The following ASCC3 variants were observed in gnomAD, a reference collection of about 807,000 sequenced individuals.
The protein encoded by ASCC3 is ASC-1 complex subunit P200.
In ASCC3, 158 loss-of-function variants were observed where a neutral mutation model predicts 256.3. That is an observed-to-expected ratio of 0.62 (90% CI 0.54 to 0.70). ASCC3 has a LOEUF of 0.70. ASCC3 is among the 30% of genes least tolerant of loss of function. The pLI, the probability that ASCC3 is intolerant of heterozygous loss-of-function variation, is 0.00. For synonymous variants in ASCC3, 948 were observed against 883.4 expected, an observed-to-expected ratio of 1.07 and a Z score of -1.30; for missense variants, 2,259 against 2,626.0, an observed-to-expected ratio of 0.86 and a Z score of 3.05.
intron 36 of ASCC3, among the ~76,000 whole-genome samples, chr6:100,582,761 A>C (rs1406888651): frequency 1.3e-5 from 2 of 152,118 alleles, no homozygotes; most frequent in African/African-American, 4.8e-5. Context: ...GATATGCCCC[A>C]TCAATACCTA....
chr6:100,799,107 G>A (rs1769783157), intron 7 of ASCC3, among the ~76,000 whole-genome samples: 1 of 151,996 alleles, frequency 6.6e-6, no homozygotes, highest in Admixed American at 6.6e-5. Flanking sequence ...TAATTAGATG[G>A]TATACCTGAA....
chr6:100,584,607 T>C (rs888376478), intron 36 of ASCC3, among the ~76,000 whole-genome samples: 19 of 152,190 alleles, frequency 1.2e-4, no homozygotes, highest in Non-Finnish European at 8.8e-5. Context: ...TTGTTATGTG[T>C]CAGTTTGATC....
At chr6:100,818,645 T>C (rs762758263) in intron 4 of ASCC3, among the ~76,000 whole-genome samples, 11 of 145,186 alleles carry the variant, frequency 7.6e-5, no homozygotes, top group Non-Finnish European at 1.5e-4. Context: ...AAAAACTGGA[T>C]ACTTAACCCA....
chr6:100,805,990 A>T, intron 4 of ASCC3, 110 bp from the exon 5 acceptor site: 2 of 1,041,930 alleles, frequency 1.9e-6, no homozygotes. Context: ...ATATAGAAAT[A>T]CTCAAAAAAT....
chr6:100,827,808 C>T (rs1459182130), intron 4 of ASCC3, among the ~76,000 whole-genome samples: 3 of 151,880 alleles, frequency 2.0e-5, no homozygotes, highest in Non-Finnish European at 1.5e-5. Flanking sequence ...TATTTTCAAA[C>T]AATACAAACC....
At chr6:100,807,402 T>G (rs1165959721) in intron 4 of ASCC3, among the ~76,000 whole-genome samples, 1 of 149,698 alleles carries the variant, frequency 6.7e-6, no homozygotes, top group African/African-American at 2.5e-5. Context: ...CTGTGTTCCC[T>G]TACCCTCCAT....
intron 34 of ASCC3, among the ~76,000 whole-genome samples, chr6:100,599,719 G>A (rs915043400): frequency 6.6e-6 from 1 of 151,818 alleles, no homozygotes; most frequent in Admixed American, 6.6e-5. Flanking sequence ...CGTATCTGTG[G>A]ATTCAGTAAG....
chr6:100,801,882 C>T (rs983241205), intron 5 of ASCC3, among the ~76,000 whole-genome samples: 1 of 150,076 alleles, frequency 6.7e-6, no homozygotes, highest in African/African-American at 2.5e-5. Context: ...AGATATTAAG[C>T]AGAATGTTTA....
chr6:100,758,768 T>C (rs537791855), intron 10 of ASCC3, among the ~76,000 whole-genome samples: 95 of 152,290 alleles, frequency 6.2e-4, no homozygotes, highest in African/African-American at 1.9e-3. Context: ...AGTATTGAGA[T>C]TGTTGAGTCA....
At chr6:100,777,603 C>T (rs1327496247) in intron 8 of ASCC3, among the ~76,000 whole-genome samples, 2 of 152,124 alleles carry the variant, frequency 1.3e-5, no homozygotes, top group East Asian at 3.9e-4. Context: ...AGAAAGGTGC[C>T]TCAAGAGAGG....
chr6:100,757,705 T>C (rs1781245028), intron 10 of ASCC3, among the ~76,000 whole-genome samples: 1 of 152,110 alleles, frequency 6.6e-6, no homozygotes, highest in Non-Finnish European at 1.5e-5. Context: ...ACAAAATGCA[T>C]GAAACAGACA....
chr6:100,852,703 G>T (rs1772743350), intron 3 of ASCC3, among the ~76,000 whole-genome samples: 1 of 152,082 alleles, frequency 6.6e-6, no homozygotes. Flanking sequence ...GTTTATATAA[G>T]ACTTGATATA....
chr6:100,745,288 T>C (rs1003163637), intron 10 of ASCC3, among the ~76,000 whole-genome samples: 4 of 151,696 alleles, frequency 2.6e-5, no homozygotes, highest in African/African-American at 4.8e-5. Context: ...GATTGCACCA[T>C]TGCACTCCAG....
chr6:100,649,469 T>C (rs1405228114), intron 20 of ASCC3, among the ~76,000 whole-genome samples: 1 of 151,610 alleles, frequency 6.6e-6, no homozygotes, highest in African/African-American at 2.4e-5. Flanking sequence ...TATAAATATT[T>C]TCACTACATC....
At chr6:100,743,798 C>T (rs1422077855) in intron 10 of ASCC3, among the ~76,000 whole-genome samples, 3 of 151,992 alleles carry the variant, frequency 2.0e-5, no homozygotes, top group Non-Finnish European at 4.4e-5. Flanking sequence ...CAGTTCCCTA[C>T]AATACAAGAT....
Position 100,648,892 on chromosome 6 carries a change from G to A in ASCC3, c.3253-1441C>T, listed in dbSNP as rs9373553. On this transcript the variant is annotated intron_variant, in intron 20 of 41. Transcript: ENST00000369162. Reference sequence around the variant, plus strand: ...GATATAAATTGGTTCAAAATAATAAGTCTATAACATGTACAGTCTAGAAAA... The same window carrying A: ...GATATAAATTGGTTCAAAATAATAAATCTATAACATGTACAGTCTAGAAAA... Among the ~76,000 whole-genome samples, 448 of 151,880 alleles carry A rather than the reference G, an allele frequency of 2.9e-3. 6 individuals carry two copies. The East Asian group carries it at 0.032, about 11-fold the overall frequency.
intron 14 of ASCC3, among the ~76,000 whole-genome samples, chr6:100,676,762 TCACACA>T (rs75606780): frequency 0.5 from 75,991 of 150,640 alleles, 19,113 homozygotes; most frequent in Middle Eastern, 0.61. Context: ...ACACACACAC[TCACACA>T]CACACACACA....
intron 36 of ASCC3, among the ~76,000 whole-genome samples, chr6:100,588,745 G>T (rs1299991323): frequency 6.6e-6 from 1 of 151,964 alleles, no homozygotes; most frequent in Non-Finnish European, 1.5e-5. Flanking sequence ...AAAAAACTGA[G>T]AAATTGAAAA....
chr6:100,628,324 G>T (rs1288502619), intron 27 of ASCC3, among the ~76,000 whole-genome samples: 1 of 152,114 alleles, frequency 6.6e-6, no homozygotes, highest in African/African-American at 2.4e-5. Context: ...AAATAAGTTT[G>T]TCAGATCAAT....
Sources: allele counts gnomAD v4.1 joint callset (sites outside exome capture counted in the v4.1 genomes callset), GRCh38; gene constraint gnomAD v4.1.1; transcripts MANE v1.5; gene names NCBI Gene and HGNC (gene_info 2026-07-23, HGNC 2026-07-21).